The following LRRC4C variants were observed in gnomAD, a reference collection of about 807,000 sequenced individuals.
The protein encoded by LRRC4C is leucine rich repeat containing 4C.
Under a neutral mutation model 33.6 loss-of-function variants are expected in LRRC4C, and 5 were observed. The observed-to-expected ratio is 0.15, with a 90% CI of 0.08 to 0.31. The LOEUF (loss-of-function observed/expected upper bound fraction) is 0.31, where lower values mean the gene tolerates loss of function less well. LRRC4C is among the 10% of genes least tolerant of loss of function. The pLI is 1.00. For synonymous variants in LRRC4C, 329 were observed against 302.0 expected, an observed-to-expected ratio of 1.09 and a Z score of -0.93; for missense variants, 560 against 796.7, an observed-to-expected ratio of 0.70 and a Z score of 3.58.
In LRRC4C at chr11:41,281,082, T is replaced by TCTCTGTC. The variant is rs1565543911; in HGVS notation, c.-496+178348_-496+178349insGACAGAG. On this transcript the variant is annotated intron_variant, in intron 1 of 6. Coordinates refer to ENST00000528697, the MANE Select transcript of LRRC4C (RefSeq NM_001258419.2). ...TCTCTCTCTCTCTCTCTCTGTCCTC[T>TCTCTGTC]CTCTCTCTCTCTCTCTCTCTCTCAC... is the stretch of plus-strand genomic sequence containing the variant. Among the ~76,000 whole-genome samples, 211 of 90,846 alleles carry TCTCTGTC rather than the reference T, an allele frequency of 2.3e-3. 1 individual carries two copies. The highest frequency in any genetic ancestry group is 7.1e-3 in the African/African-American group (184 of 26,078). 59.6% of individuals were successfully genotyped at this position (90,846 alleles called of 152,430 possible).
At chr11:40,166,140 T>C (rs554655424) in intron 5 of LRRC4C, among the ~76,000 whole-genome samples, 2 of 152,242 alleles carry the variant, frequency 1.3e-5, no homozygotes, top group Admixed American at 1.3e-4. Flanking sequence ...AAATGTACAT[T>C]AGAATGTTTA....
At chr11:41,296,925 A>G (rs1315499254) in intron 1 of LRRC4C, among the ~76,000 whole-genome samples, 1 of 152,224 alleles carries the variant, frequency 6.6e-6, no homozygotes, top group Non-Finnish European at 1.5e-5. Flanking sequence ...GAAGCTGCAT[A>G]CAAGCAGTGA....
At chr11:41,188,910 C>G (rs988110705) in intron 1 of LRRC4C, among the ~76,000 whole-genome samples, 3 of 135,458 alleles carry the variant, frequency 2.2e-5, no homozygotes, top group Admixed American at 8.4e-5. Flanking sequence ...TGCCCCCCCC[C>G]CCAAAAAAAA....
chr11:41,221,126 C>T (rs1322717059), intron 1 of LRRC4C, among the ~76,000 whole-genome samples: 2 of 151,998 alleles, frequency 1.3e-5, no homozygotes, highest in African/African-American at 2.4e-5. Context: ...TTTTTCTGAT[C>T]TGCTTCCTCT....
intron 2 of LRRC4C, among the ~76,000 whole-genome samples, chr11:40,851,476 A>G (rs1953492970): frequency 6.6e-6 from 1 of 151,938 alleles, no homozygotes; most frequent in Admixed American, 6.6e-5. Flanking sequence ...CCACTGTCTA[A>G]CTGGTCCCAG....
intron 6 of LRRC4C, among the ~76,000 whole-genome samples, chr11:40,136,069 C>G (rs574679138): frequency 6.6e-6 from 1 of 152,186 alleles, no homozygotes. Context: ...GGGCTCACCA[C>G]GCCAGTTTTT....
intron 5 of LRRC4C, among the ~76,000 whole-genome samples, chr11:40,174,533 G>A (rs568906613): frequency 1.5e-4 from 23 of 152,246 alleles, no homozygotes; most frequent in African/African-American, 5.3e-4. Context: ...TATTGTCTCA[G>A]TACCGTGTGT....
At chr11:41,345,406 T>C (rs1261745121) in intron 1 of LRRC4C, among the ~76,000 whole-genome samples, 2 of 152,184 alleles carry the variant, frequency 1.3e-5, no homozygotes, top group Non-Finnish European at 2.9e-5. Context: ...GTCTTTAGGA[T>C]GCTAATTGAT....
intron 1 of LRRC4C, among the ~76,000 whole-genome samples, chr11:41,429,832 A>G (rs1043087990): frequency 6.6e-6 from 1 of 152,160 alleles, no homozygotes; most frequent in African/African-American, 2.4e-5. Context: ...AAAAATAAAA[A>G]TGAAAATAAA....
At chr11:40,177,826 C>T (rs955056532) in intron 5 of LRRC4C, among the ~76,000 whole-genome samples, 1 of 152,078 alleles carries the variant, frequency 6.6e-6, no homozygotes, top group African/African-American at 2.4e-5. Flanking sequence ...AAGAACAGAT[C>T]TTTGTCTGTA....
In LRRC4C at chr11:41,325,577, T is replaced by TTTTG. The variant is rs202169756; in HGVS notation, c.-496+133853_-496+133854insCAAA. ...TTATTGTCCTTATAGTTTTTTTTTT[T>TTTTG]TGTGTGTGTGTGTGTGTGTGTGTGT... On this transcript the variant is annotated intron_variant, in intron 1 of 6. Transcript: ENST00000528697. Among the ~76,000 whole-genome samples, 20 of 104,160 alleles carry TTTTG rather than the reference T, an allele frequency of 1.9e-4. 1 individual carries two copies. Among genetic ancestry groups the TTTTG allele is most frequent in the African/African-American group, 5.8e-4 (17 of 29,220 alleles). 68.3% of individuals were successfully genotyped at this position (104,160 alleles called of 152,430 possible).
chr11:40,474,163 A>C (rs1414631314), intron 3 of LRRC4C, among the ~76,000 whole-genome samples: 1 of 152,084 alleles, frequency 6.6e-6, no homozygotes, highest in Non-Finnish European at 1.5e-5. Flanking sequence ...TAAGCAAAAA[A>C]ACAAAGCTGG....
chr11:40,973,647 A>T (rs906783423), intron 1 of LRRC4C, among the ~76,000 whole-genome samples: 3 of 152,316 alleles, frequency 2.0e-5, no homozygotes, highest in African/African-American at 4.8e-5. Flanking sequence ...TTATTATTTT[A>T]AAAAATAGTG....
rs573620865 is a variant in LRRC4C at position 40,309,992 on chromosome 11, T to C, written c.-176+9636A>G. Among the ~76,000 whole-genome samples the C allele has an allele frequency of 2.6e-5, 4 of 152,298 alleles. No homozygotes were observed. In the East Asian group the frequency reaches 7.8e-4, roughly 30 times the overall value. ...GGAATAAAAGGTGACTGGCTCATCC[T>C]ATATGGAGGCAACCTAATGTAGAAG... On this transcript the variant is annotated intron_variant, in intron 4 of 6. Transcript: ENST00000528697.
chr11:40,794,154 G>C (rs1950732072), intron 2 of LRRC4C, among the ~76,000 whole-genome samples: 1 of 151,966 alleles, frequency 6.6e-6, no homozygotes, highest in Non-Finnish European at 1.5e-5. Context: ...CTTTTTCAAG[G>C]AAGTAGCTTA....
intron 1 of LRRC4C, among the ~76,000 whole-genome samples, chr11:41,217,861 A>C (rs760675090): frequency 2.0e-5 from 3 of 152,018 alleles, no homozygotes; most frequent in Non-Finnish European, 2.9e-5. Context: ...ACTAAATTGC[A>C]TTATGTTCAC....
chr11:41,433,320 C>A (rs976867231), intron 1 of LRRC4C, among the ~76,000 whole-genome samples: 1 of 152,174 alleles, frequency 6.6e-6, no homozygotes, highest in African/African-American at 2.4e-5. Flanking sequence ...CTCTGCCCCT[C>A]TTGATCTCTA....
At chr11:40,956,029 G>A (rs1958940190) in intron 1 of LRRC4C, among the ~76,000 whole-genome samples, 1 of 151,646 alleles carries the variant, frequency 6.6e-6, no homozygotes, top group Admixed American at 6.6e-5. Flanking sequence ...CAGTCTTTTT[G>A]GTTTTCTATA....
At position 41,341,976 on chromosome 11, in the gene LRRC4C, T is replaced by C. The variant is rs527623197; in HGVS notation, c.-496+117455A>G. Among the ~76,000 whole-genome samples the C allele has an allele frequency of 3.3e-5, 5 of 151,586 alleles. No homozygotes were observed. In the South Asian group the frequency reaches 1.0e-3, roughly 31 times the overall value. The stretch of plus-strand genomic sequence containing the variant: ...AATTGACTGTATGTTATCTATAATA[T>C]CTGGGACATAGAGAGTCATCTTGAC... On this transcript the variant is annotated intron_variant, in intron 1 of 6. Coordinates refer to ENST00000528697, the MANE Select transcript of LRRC4C (RefSeq NM_001258419.2).
Sources: gnomAD v4.1 joint callset for allele counts (sites outside exome capture counted in the v4.1 genomes callset) on GRCh38, gnomAD v4.1.1 for gene constraint, MANE v1.5 for transcripts, NCBI Gene and HGNC (gene_info 2026-07-23, HGNC 2026-07-21) for gene names.